The following PXDNL variants were observed in gnomAD, a reference collection of about 807,000 sequenced individuals.
PXDNL encodes the protein peroxidasin like.
A neutral mutation model predicts 150.8 loss-of-function variants in PXDNL; 145 were observed. The observed-to-expected ratio is 0.96, with a 90% CI of 0.84 to 1.10. The LOEUF is 1.10. Ranked by LOEUF, PXDNL falls within the 50% of genes least tolerant of loss-of-function variation. PXDNL has a pLI of 0.00. For missense variants in PXDNL, 2,087 were observed against 1,873.9 expected, an observed-to-expected ratio of 1.11 and a Z score of -2.10; for synonymous variants, 757 against 725.7, an observed-to-expected ratio of 1.04 and a Z score of -0.69.
In PXDNL at chr8:51,517,676, A is replaced by C. The variant is rs180799585; in HGVS notation, c.381-17906T>G. On this transcript the variant is annotated intron_variant, in intron 4 of 22. Coordinates refer to ENST00000356297, the MANE Select transcript of PXDNL (RefSeq NM_144651.5). ...TAATTGCCTCTTATATGTTTTATCA[A>C]GGGATAATTTTATATGATCTTGTTC... Among the ~76,000 whole-genome samples, 86 of 152,356 alleles carry C rather than the reference A, an allele frequency of 5.6e-4. 1 individual carries two copies. Among genetic ancestry groups the C allele is most frequent in the African/African-American group, 2.1e-3 (86 of 41,592 alleles).
intron 1 of PXDNL, among the ~76,000 whole-genome samples, chr8:51,804,735 G>C (rs2037658055): frequency 6.6e-6 from 1 of 152,092 alleles, no homozygotes; most frequent in South Asian, 2.1e-4. Context: ...TTAGTGTAGG[G>C]AACACTGTTC....
chr8:51,612,654 A>AC (rs1384582615), intron 2 of PXDNL, among the ~76,000 whole-genome samples: 2 of 151,684 alleles, frequency 1.3e-5, no homozygotes, highest in Non-Finnish European at 2.9e-5. Context: ...TATAAAAGAG[A>AC]CCCCCACAGA....
intron 1 of PXDNL, among the ~76,000 whole-genome samples, chr8:51,790,285 C>A (rs1459047842): frequency 1.3e-5 from 2 of 151,690 alleles, no homozygotes; most frequent in Admixed American, 1.3e-4. Context: ...GAGGACGATT[C>A]TTTGTCAACC....
At chr8:51,328,436 C>T (rs1350395838) in intron 21 of PXDNL, among the ~76,000 whole-genome samples, 4 of 152,200 alleles carry the variant, frequency 2.6e-5, no homozygotes, top group Non-Finnish European at 4.4e-5. Context: ...GGGAAGGGCA[C>T]CTGCTTTTCT....
rs145567344 is a variant in PXDNL, at chr8:51,355,824, T to A, written c.3902-9877A>T. 5.9e-3 allele frequency among the ~76,000 whole-genome samples: 900 copies of A among 152,342 alleles called. 9 individuals carry two copies. The highest frequency in any genetic ancestry group is 0.02 in the African/African-American group (831 of 41,576). ...GACTCTTGATCTATTGATTAGCTGATACTGAAAATTAATTTGATGTTAAAA... is the reference window on the plus strand; with the variant it reads ...GACTCTTGATCTATTGATTAGCTGAAACTGAAAATTAATTTGATGTTAAAA... On this transcript the variant is annotated intron_variant, in intron 19 of 22. Transcript: ENST00000356297.
At position 51,808,671 on chromosome 8, in the gene PXDNL, C is replaced by G. The variant is rs531805651; in HGVS notation, c.164+510G>C. On this transcript the variant is annotated intron_variant, in intron 1 of 22. Coordinates refer to ENST00000356297, the MANE Select transcript of PXDNL (RefSeq NM_144651.5). Reference sequence around the variant, plus strand: ...CTACTGGACCATTTGAGGGTCTGTTCTGGAGACAGACAGTGCTTCAAGTGC... The same window carrying G: ...CTACTGGACCATTTGAGGGTCTGTTGTGGAGACAGACAGTGCTTCAAGTGC... 3.3e-5 allele frequency among the ~76,000 whole-genome samples: 5 copies of G among 152,284 alleles called. No individual in the cohort carries two copies. In the East Asian group the frequency reaches 9.7e-4, roughly 29 times the overall value.
intron 1 of PXDNL, among the ~76,000 whole-genome samples, chr8:51,699,606 T>C (rs1816208835): frequency 6.6e-6 from 1 of 152,252 alleles, no homozygotes; most frequent in South Asian, 2.1e-4. Flanking sequence ...ACAACTTGGC[T>C]GTTCGGCACA....
intron 1 of PXDNL, among the ~76,000 whole-genome samples, chr8:51,791,441 C>T (rs2037512326): frequency 2.6e-5 from 4 of 152,190 alleles, no homozygotes; most frequent in South Asian, 4.1e-4. Context: ...TAACAAACAA[C>T]GGCTCAGAGC....
intron 4 of PXDNL, among the ~76,000 whole-genome samples, chr8:51,541,087 G>A (rs762863168): frequency 2.8e-4 from 42 of 151,744 alleles, no homozygotes; most frequent in Middle Eastern, 3.4e-3. Context: ...GTGAAATCTC[G>A]TCTCTACTAA....
Position 51,702,265 on chromosome 8 carries a change from A to G in PXDNL, c.165-47505T>C, listed in dbSNP as rs533197934. On this transcript the variant is annotated intron_variant, in intron 1 of 22. Coordinates refer to ENST00000356297, the MANE Select transcript of PXDNL (RefSeq NM_144651.5). ...CTGACTTCAGAATGACTTGTTTGCT[A>G]GTTGGCATCGACTCTGCTACTTCCG... Among the ~76,000 whole-genome samples the G allele has an allele frequency of 2.0e-5, 3 of 152,260 alleles. No homozygotes were observed. The South Asian group carries it at 6.2e-4, about 32-fold the overall frequency.
intron 3 of PXDNL, among the ~76,000 whole-genome samples, chr8:51,575,694 G>A (rs1288077692): frequency 1.3e-5 from 2 of 152,034 alleles, no homozygotes; most frequent in African/African-American, 4.8e-5. Flanking sequence ...CAGTCTGGGC[G>A]ACAGAGTGAC....
intron 1 of PXDNL, among the ~76,000 whole-genome samples, chr8:51,660,652 G>A (rs1467218518): frequency 6.6e-6 from 1 of 152,128 alleles, no homozygotes; most frequent in Non-Finnish European, 1.5e-5. Context: ...TCCTATTGAA[G>A]GTAAGGATGC....
chr8:51,606,242 C>T, intron 2 of PXDNL, among the ~76,000 whole-genome samples: 1 of 152,088 alleles, frequency 6.6e-6, no homozygotes, highest in East Asian at 1.9e-4. Context: ...ATAAAGAGAT[C>T]TCAAAAGTTA....
At chr8:51,688,788 A>G (rs1815928383) in intron 1 of PXDNL, among the ~76,000 whole-genome samples, 2 of 152,172 alleles carry the variant, frequency 1.3e-5, no homozygotes, top group South Asian at 4.1e-4. Context: ...AAAATAAAGG[A>G]GGGCATGCAT....
intron 19 of PXDNL, among the ~76,000 whole-genome samples, chr8:51,347,275 C>A (rs1806188887): frequency 1.3e-5 from 2 of 151,898 alleles, no homozygotes; most frequent in Admixed American, 1.3e-4. Context: ...AAATTAAATT[C>A]AAGAGGAATA....
chr8:51,524,491 T>C (rs1213571097), intron 4 of PXDNL, among the ~76,000 whole-genome samples: 1 of 152,216 alleles, frequency 6.6e-6, no homozygotes, highest in Non-Finnish European at 1.5e-5. Context: ...TCTCTTTTTC[T>C]AAGCTTTGTG....
At chr8:51,682,180 G>A (rs1815764398) in intron 1 of PXDNL, among the ~76,000 whole-genome samples, 1 of 152,000 alleles carries the variant, frequency 6.6e-6, no homozygotes, top group South Asian at 2.1e-4. Flanking sequence ...GATCTGCATG[G>A]AATATTTTAA....
At chr8:51,598,746 G>A (rs1813628190) in intron 2 of PXDNL, among the ~76,000 whole-genome samples, 1 of 152,024 alleles carries the variant, frequency 6.6e-6, no homozygotes, top group Non-Finnish European at 1.5e-5. Context: ...AGGTGATGCT[G>A]GCTTCAGAGA....
chr8:51,409,426 G>A lies in PXDNL; in HGVS notation c.2198C>T (p.Thr733Met). Residue 733 changes from threonine (T) to methionine (M), a missense_variant, in exon 17 of 23, where the codon ACG becomes ATG. Physicochemically the swap from Thr to Met is moderately conservative, Grantham distance 81 (BLOSUM62 -1). Coordinates refer to ENST00000356297, the MANE Select transcript of PXDNL (RefSeq NM_144651.5). ...FHAKYRAHDGTCNNLQQPTWG... is the reference protein window; with the variant it reads ...FHAKYRAHDGMCNNLQQPTWG... ...CGTGGGCTGCTGCAGGTTGTTGCAC[G>A]TGCCGTCGTGGGCGCGGTACTTCGC... is the stretch of plus-strand genomic sequence containing the variant. 1 of 1,612,188 alleles carries A rather than the reference G, an allele frequency of 6.2e-7. No homozygotes were observed. Among genetic ancestry groups the A allele is most frequent in the Non-Finnish European group, 8.5e-7 (1 of 1,179,604 alleles).
Sources: gnomAD v4.1 joint callset for allele counts (sites outside exome capture counted in the v4.1 genomes callset) on GRCh38, gnomAD v4.1.1 for gene constraint, MANE v1.5 for transcripts, NCBI Gene and HGNC (gene_info 2026-07-23, HGNC 2026-07-21) for gene names.